The following ATG4B variants were observed in gnomAD, a reference collection of about 807,000 sequenced individuals.
The protein encoded by ATG4B is cysteine protease ATG4B.
In ATG4B, 29 loss-of-function variants were observed where a neutral mutation model predicts 56.6. The ratio of observed to expected loss-of-function variants is 0.51; its 90% CI spans 0.38 to 0.70. The LOEUF (loss-of-function observed/expected upper bound fraction) is 0.70. Among genes scored for constraint, ATG4B ranks in the 30% least tolerant of loss-of-function variants. ATG4B has a pLI of 0.00. For missense variants in ATG4B, 461 were observed against 515.5 expected (o/e 0.89, Z 1.02); for synonymous variants, 224 against 206.1 (o/e 1.09, Z -0.74).
At chr2:241,653,363 C>T (rs1053543179) in intron 3 of ATG4B, 149 bp from the exon 4 acceptor site, 2 of 1,550,316 alleles carry the variant, frequency 1.3e-6, no homozygotes, top group Non-Finnish European at 1.7e-6. Flanking sequence ...TTACTGAGTC[C>T]TAAGAGGTGT....
At chr2:241,663,132 C>A (rs2068642924) in intron 7 of ATG4B, among the ~76,000 whole-genome samples, 1 of 152,214 alleles carries the variant, frequency 6.6e-6, no homozygotes, top group African/African-American at 2.4e-5. Context: ...GCTCGGGAAG[C>A]TGAGGCACGA....
At chr2:241,669,923 G>C (rs543919910) in intron 10 of ATG4B, among the ~76,000 whole-genome samples, 3 of 152,292 alleles carry the variant, frequency 2.0e-5, no homozygotes, top group African/African-American at 7.2e-5. Context: ...CTAACAGTCA[G>C]GTCAGGCTAG....
chr2:241,654,197 T>C (rs1043253533), intron 4 of ATG4B, among the ~76,000 whole-genome samples: 1 of 151,596 alleles, frequency 6.6e-6, no homozygotes, highest in Non-Finnish European at 1.5e-5. Flanking sequence ...CCGAGGCGGG[T>C]GGGTCACGAG....
chr2:241,637,914 G>C (rs954628920), intron 1 of ATG4B, among the ~76,000 whole-genome samples, 190 bp downstream of exon 1: 5 of 151,484 alleles, frequency 3.3e-5, no homozygotes, highest in Admixed American at 2.6e-4. Context: ...GCGGGAGGGG[G>C]ACGGCGGCGC....
rs1226569423 is a variant in ATG4B at position 241,651,409 on chromosome 2, T to G, written c.184+74T>G. 1.3e-5 allele frequency: 15 copies of G among 1,155,742 alleles called. No homozygotes were observed. The highest frequency in any genetic ancestry group is 7.7e-5 in the East Asian group (3 of 39,076). 71.6% of individuals were successfully genotyped at this position (1,155,742 alleles called of 1,614,324 possible). On this transcript the variant is annotated intron_variant, in intron 3 of 12. Coordinates refer to ENST00000404914, the MANE Select transcript of ATG4B (RefSeq NM_013325.5). This position sits in a 1 kb window ranked among gnomAD's most constrained non-coding sequence, Gnocchi z 4.1. ...AGGAGGAAAACTTACGCTTGTAGAT[T>G]TGACTTCAATATGCCACTGACTTCA...
chr2:241,657,287 T>G (rs962446078), intron 6 of ATG4B, among the ~76,000 whole-genome samples: 1 of 141,030 alleles, frequency 7.1e-6, no homozygotes, highest in African/African-American at 2.7e-5. Flanking sequence ...GACTCCTCTC[T>G]TTCTTTTTTT....
chr2:241,658,526 C>T (rs1342085811), intron 6 of ATG4B, among the ~76,000 whole-genome samples: 27 of 152,230 alleles, frequency 1.8e-4, no homozygotes, highest in Non-Finnish European at 1.3e-4. Context: ...GACCCCACCT[C>T]CGCCAGACCT....
intron 7 of ATG4B, among the ~76,000 whole-genome samples, chr2:241,660,688 T>C (rs1251243271): frequency 1.3e-5 from 2 of 151,840 alleles, no homozygotes; most frequent in African/African-American, 4.8e-5. Context: ...ATTTCTCCTG[T>C]GCTTTTCAAA....
chr2:241,641,922 C>G (rs1222833226), intron 1 of ATG4B, among the ~76,000 whole-genome samples: 1 of 152,144 alleles, frequency 6.6e-6, no homozygotes, highest in Non-Finnish European at 1.5e-5. Context: ...ATTCAGACGA[C>G]TGGCAGGTGC....
At chr2:241,656,177 A>G (rs2068396614) in intron 6 of ATG4B, among the ~76,000 whole-genome samples, 1 of 152,036 alleles carries the variant, frequency 6.6e-6, no homozygotes, top group South Asian at 2.1e-4. Context: ...CATTCCTGAA[A>G]TGGCCCTGTC....
At chr2:241,638,658 A>G (rs963323382) in intron 1 of ATG4B, among the ~76,000 whole-genome samples, 3 of 152,186 alleles carry the variant, frequency 2.0e-5, no homozygotes, top group Admixed American at 1.3e-4. Flanking sequence ...TACAACATAA[A>G]TTTATTAAGA....
intron 6 of ATG4B, among the ~76,000 whole-genome samples, chr2:241,656,642 C>T (rs976612724): frequency 1.3e-5 from 2 of 152,244 alleles, no homozygotes; most frequent in African/African-American, 2.4e-5. Flanking sequence ...GGCACATGGA[C>T]GGCTTCCAGG....
At chr2:241,655,410 T>C in intron 6 of ATG4B, 67 bp downstream of exon 6, 1 of 1,487,822 alleles carries the variant, frequency 6.7e-7, no homozygotes, top group Non-Finnish European at 9.2e-7. Context: ...TAAATTCTCC[T>C]TGAGTCTTCA....
At chr2:241,638,131 C>G (rs1379776412) in intron 1 of ATG4B, 1 of 159,024 alleles carries the variant, frequency 6.3e-6, no homozygotes, top group Non-Finnish European at 1.4e-5. Flanking sequence ...GAAAGCGTAG[C>G]CTTTCCGCAG....
chr2:241,670,902 C>A, intron 11 of ATG4B, 120 bp downstream of exon 11: 2 of 1,066,238 alleles, frequency 1.9e-6, no homozygotes, highest in Non-Finnish European at 2.8e-6. Flanking sequence ...CCGTGGGGAG[C>A]TTTGTCCCGC....
At chr2:241,647,384 C>T (rs182568845) in intron 1 of ATG4B, among the ~76,000 whole-genome samples, 44 of 149,332 alleles carry the variant, frequency 2.9e-4, no homozygotes, top group Admixed American at 1.4e-3. Flanking sequence ...TTTGGGAGGC[C>T]GAGGCGGGAG....
chr2:241,666,500 C>T (rs1449677748), intron 7 of ATG4B, 145 bp from the exon 8 acceptor site: 3 of 866,118 alleles, frequency 3.5e-6, no homozygotes, highest in Non-Finnish European at 3.6e-6. Context: ...TTACGCTTTT[C>T]TATATTTTCC....
chr2:241,649,620 C>T (rs2068168589), intron 1 of ATG4B, among the ~76,000 whole-genome samples: 1 of 152,208 alleles, frequency 6.6e-6, no homozygotes, highest in South Asian at 2.1e-4. Context: ...ACGCAATGGG[C>T]ATCTCGCCAC....
chr2:241,660,581 A>G (rs1478120429), intron 7 of ATG4B, among the ~76,000 whole-genome samples: 1 of 152,208 alleles, frequency 6.6e-6, no homozygotes, highest in African/African-American at 2.4e-5. Flanking sequence ...TTTATAAAAC[A>G]TTGGAAACAC....
Sources: allele counts gnomAD v4.1 joint callset (sites outside exome capture counted in the v4.1 genomes callset), GRCh38; gene constraint gnomAD v4.1.1; non-coding constraint Gnocchi (gnomAD v3.1); transcripts MANE v1.5; gene names NCBI Gene and HGNC (gene_info 2026-07-23, HGNC 2026-07-21).